GRM1: variants seen among roughly 807,000 people sequenced by gnomAD.
The protein encoded by GRM1 is metabotropic glutamate receptor 1.
A neutral mutation model predicts 90.9 loss-of-function variants in GRM1; 33 were observed. The observed-to-expected ratio is 0.36, with a 90% CI of 0.28 to 0.49. The LOEUF (loss-of-function observed/expected upper bound fraction) is 0.49, where lower values mean the gene tolerates loss of function less well. Among genes scored for constraint, GRM1 ranks in the 20% least tolerant of loss-of-function variants. The probability of loss-of-function intolerance (pLI) is 0.99; values close to 1 mark genes in which losing one functional copy is unlikely to be tolerated. For synonymous variants in GRM1, 700 were observed against 613.2 expected, an observed-to-expected ratio of 1.14 and a Z score of -2.09; for missense variants, 1,190 against 1,534.3, an observed-to-expected ratio of 0.78 and a Z score of 3.75.
At chr6:146,392,018 A>G (rs1315972896) in intron 6 of GRM1, among the ~76,000 whole-genome samples, 1 of 152,158 alleles carries the variant, frequency 6.6e-6, no homozygotes, top group East Asian at 1.9e-4. Context: ...CTAGATTTGG[A>G]CAACTTTATG....
chr6:146,339,924 T>A (rs551209681), intron 3 of GRM1, among the ~76,000 whole-genome samples: 3 of 152,250 alleles, frequency 2.0e-5, no homozygotes, highest in South Asian at 2.1e-4. Context: ...AACTGCAACA[T>A]CCCTTGGCAC....
In GRM1 at chr6:146,167,919, G is replaced by T. The variant is rs577255488; in HGVS notation, c.950+8322G>T. ...GTAGTTATCAATTTCTTCTTTTATG[G>T]TTTATATTCTTTGTGTTCTATCAAA... On this transcript the variant is annotated intron_variant, in intron 2 of 7. Coordinates refer to ENST00000282753, the MANE Select transcript of GRM1 (RefSeq NM_001278064.2). Among the ~76,000 whole-genome samples, 19 of 151,808 alleles carry T rather than the reference G, an allele frequency of 1.3e-4. No homozygotes were observed. In the South Asian group the frequency reaches 3.5e-3, roughly 28 times the overall value.
chr6:146,390,890 G>A (rs1776690926), intron 6 of GRM1, among the ~76,000 whole-genome samples: 1 of 151,874 alleles, frequency 6.6e-6, no homozygotes, highest in African/African-American at 2.4e-5. Context: ...GTTTTTCCCT[G>A]GGAAGAAAAA....
At chr6:146,045,198 G>C (rs1374001902) in intron 1 of GRM1, among the ~76,000 whole-genome samples, 1 of 151,914 alleles carries the variant, frequency 6.6e-6, no homozygotes, top group African/African-American at 2.4e-5. Context: ...ATTTTAAAAT[G>C]TGCAAATTTA....
intron 2 of GRM1, among the ~76,000 whole-genome samples, chr6:146,217,941 AT>A (rs1300984111): frequency 6.6e-6 from 1 of 152,116 alleles, no homozygotes; most frequent in African/African-American, 2.4e-5. Flanking sequence ...TATCATGTAT[AT>A]TTTGCCGACT....
At chr6:146,318,074 A>C (rs897545761) in intron 3 of GRM1, among the ~76,000 whole-genome samples, 7 of 152,224 alleles carry the variant, frequency 4.6e-5, no homozygotes, top group Non-Finnish European at 2.9e-5. Context: ...GTAGATATAC[A>C]TGTGCCATGG....
intron 3 of GRM1, among the ~76,000 whole-genome samples, chr6:146,350,276 T>C (rs1316101657): frequency 6.6e-6 from 1 of 152,208 alleles, no homozygotes; most frequent in East Asian, 1.9e-4. Context: ...GCAAACTCAG[T>C]GTCCATAAGG....
chr6:146,235,495 T>C (rs1253822366), intron 2 of GRM1, among the ~76,000 whole-genome samples: 1 of 152,188 alleles, frequency 6.6e-6, no homozygotes, highest in Non-Finnish European at 1.5e-5. Context: ...CATTTGTTAC[T>C]TTATTTTCTC....
chr6:146,028,382 T>G (rs1790575846), upstream of GRM1, among the ~76,000 whole-genome samples: 1 of 151,946 alleles, frequency 6.6e-6, no homozygotes, highest in Non-Finnish European at 1.5e-5. Flanking sequence ...AGGGAATGTC[T>G]GGCTGGACCG....
chr6:146,204,009 A>C (rs926954045), intron 2 of GRM1, among the ~76,000 whole-genome samples: 5 of 152,228 alleles, frequency 3.3e-5, no homozygotes, highest in Admixed American at 1.3e-4. Context: ...TCTTCAGCAC[A>C]TGTAGATTGT....
At chr6:146,353,130 A>G (rs1053315848) in intron 4 of GRM1, among the ~76,000 whole-genome samples, 1 of 152,252 alleles carries the variant, frequency 6.6e-6, no homozygotes, top group African/African-American at 2.4e-5. Flanking sequence ...GCCGTTTTAC[A>G]TACAGTCTGC....
Position 146,270,916 on chromosome 6 carries a change from C to CTTTCTTTCTTTCTTT in GRM1, c.951-33695_951-33694insTTTCTTTCTTTCTTT, listed in dbSNP as rs1562571299. On this transcript the variant is annotated intron_variant, in intron 2 of 7. Coordinates refer to ENST00000282753, the MANE Select transcript of GRM1 (RefSeq NM_001278064.2). ...TTCTTTCTTTCTTTCTTTCTTTCTT[C>CTTTCTTTCTTTCTTT]CTTCCTTCCTTCCTTCCTTCCTTCC... Among the ~76,000 whole-genome samples, 79 of 53,730 alleles carry CTTTCTTTCTTTCTTT rather than the reference C, an allele frequency of 1.5e-3. 1 individual carries two copies. Among genetic ancestry groups the CTTTCTTTCTTTCTTT allele is most frequent in the East Asian group, 5.3e-3 (10 of 1,880 alleles). 35.2% of individuals were successfully genotyped at this position (53,730 alleles called of 152,430 possible).
chr6:146,150,800 C>T (rs573527410), intron 1 of GRM1, among the ~76,000 whole-genome samples: 7 of 152,182 alleles, frequency 4.6e-5, no homozygotes, highest in Admixed American at 1.3e-4. Flanking sequence ...TGAGAATATG[C>T]AATACTTGTT....
intron 1 of GRM1, among the ~76,000 whole-genome samples, chr6:146,134,824 G>C (rs965055873): frequency 6.6e-6 from 1 of 152,110 alleles, no homozygotes; most frequent in East Asian, 1.9e-4. Flanking sequence ...CCAGCTACTC[G>C]GGAGGCTGAG....
intron 1 of GRM1, among the ~76,000 whole-genome samples, chr6:146,035,956 C>T (rs965376363): frequency 2.0e-5 from 3 of 151,964 alleles, no homozygotes; most frequent in Non-Finnish European, 4.4e-5. Context: ...GCCACACAAT[C>T]ACCCTGTGAC....
intron 7 of GRM1, among the ~76,000 whole-genome samples, chr6:146,413,616 C>G (rs1358920082): frequency 6.6e-6 from 1 of 152,074 alleles, no homozygotes; most frequent in Non-Finnish European, 1.5e-5. Flanking sequence ...ATATTAATGA[C>G]AGTTTGATAT....
chr6:146,397,904 G>A (rs1418461372), intron 6 of GRM1, among the ~76,000 whole-genome samples: 3 of 152,182 alleles, frequency 2.0e-5, no homozygotes, highest in Non-Finnish European at 2.9e-5. Flanking sequence ...TTATGGAAAT[G>A]ACTTTATTCT....
chr6:146,113,545 A>G (rs1775637684), intron 1 of GRM1, among the ~76,000 whole-genome samples: 2 of 152,180 alleles, frequency 1.3e-5, no homozygotes, highest in Non-Finnish European at 2.9e-5. Context: ...TTCAAAAGTG[A>G]GAATGCAAAT....
intron 7 of GRM1, among the ~76,000 whole-genome samples, chr6:146,409,469 C>T (rs1777480135): frequency 6.6e-6 from 1 of 152,194 alleles, no homozygotes; most frequent in Non-Finnish European, 1.5e-5. Flanking sequence ...CTTATCTTCA[C>T]TTCTATTATA....
Sources: allele counts gnomAD v4.1 joint callset (sites outside exome capture counted in the v4.1 genomes callset), GRCh38; gene constraint gnomAD v4.1.1; transcripts MANE v1.5; gene names NCBI Gene and HGNC (gene_info 2026-07-23, HGNC 2026-07-21).